Variants in EDARADD observed in about 807,000 individuals in gnomAD.
The protein encoded by EDARADD is ectodysplasin-A receptor-associated adapter protein.
Under a neutral mutation model 25.6 loss-of-function variants are expected in EDARADD, and 20 were observed. That is an observed-to-expected ratio of 0.78 (90% CI 0.55 to 1.14). The LOEUF (loss-of-function observed/expected upper bound fraction) is 1.14, where lower values mean the gene tolerates loss of function less well. EDARADD is among the 50% of genes most tolerant of loss of function. The pLI is 0.00. For missense variants in EDARADD, 225 were observed against 270.1 expected (o/e 0.83, Z 1.17); for synonymous variants, 86 against 94.4 (o/e 0.91, Z 0.52).
At chr1:236,394,594 A>T in intron 1 of EDARADD, 89 bp downstream of exon 1, 1 of 1,094,902 alleles carries the variant, frequency 9.1e-7, no homozygotes. Flanking sequence ...TGGATATATT[A>T]TACACTAAAT....
chr1:236,467,497 C>A (rs1659237908), intron 4 of EDARADD, among the ~76,000 whole-genome samples: 1 of 151,812 alleles, frequency 6.6e-6, no homozygotes, highest in African/African-American at 2.4e-5. Flanking sequence ...CCCTCACATC[C>A]CTGTAGCATG....
At chr1:236,393,582 C>T (rs1327808832), upstream of EDARADD, among the ~76,000 whole-genome samples, 4 of 151,412 alleles carry the variant, frequency 2.6e-5, no homozygotes, top group Admixed American at 6.6e-5. Context: ...TTTTTAGTAG[C>T]GGTGGGGTTT....
intron 1 of EDARADD, among the ~76,000 whole-genome samples, chr1:236,408,403 A>G (rs1033659251): frequency 3.3e-5 from 5 of 151,992 alleles, no homozygotes; most frequent in East Asian, 3.9e-4. Context: ...GGGTTTCCCT[A>G]TGTTGGACCA....
intron 1 of EDARADD, among the ~76,000 whole-genome samples, chr1:236,408,343 C>T (rs1243900942): frequency 1.3e-5 from 2 of 152,080 alleles, no homozygotes; most frequent in Non-Finnish European, 2.9e-5. Flanking sequence ...GCTGGGACTA[C>T]AGGTGTGCAC....
At chr1:236,408,728 C>T (rs1174938153) in intron 1 of EDARADD, among the ~76,000 whole-genome samples, 1 of 151,688 alleles carries the variant, frequency 6.6e-6, no homozygotes, top group Non-Finnish European at 1.5e-5. Flanking sequence ...GCCTGGGCTA[C>T]AGAGCAAACC....
intron 3 of EDARADD, among the ~76,000 whole-genome samples, chr1:236,363,005 A>AT (rs1202147207): frequency 1.3e-3 from 110 of 87,556 alleles, no homozygotes; most frequent in South Asian, 2.3e-3. Context: ...AAAAAAAAAA[A>AT]AATATATATA....
chr1:236,377,246 C>A (rs568108468), intron 3 of EDARADD, among the ~76,000 whole-genome samples: 102 of 151,374 alleles, frequency 6.7e-4, no homozygotes, highest in African/African-American at 2.3e-3. Context: ...ACCTCCACCT[C>A]CTGGGTTCAC....
chr1:236,451,183 A>G lies in EDARADD; in HGVS notation c.220-17048A>G, dbSNP rs543486588. On this transcript the variant is annotated intron_variant, in intron 4 of 5. Coordinates refer to ENST00000334232, the MANE Select transcript of EDARADD (RefSeq NM_145861.4). Reference sequence around the variant, plus strand: ...TGATAGAATCTACTATCTTGATTCTATCGCCATGGCCTCTGGAGCTAGATG... The same window carrying G: ...TGATAGAATCTACTATCTTGATTCTGTCGCCATGGCCTCTGGAGCTAGATG... 9.9e-5 allele frequency among the ~76,000 whole-genome samples: 15 copies of G among 152,270 alleles called. No individual in the cohort carries two copies. In the South Asian group the frequency reaches 3.1e-3, roughly 32 times the overall value.
At chr1:236,432,909 A>C (rs1435963770) in intron 4 of EDARADD, among the ~76,000 whole-genome samples, 1 of 151,390 alleles carries the variant, frequency 6.6e-6, no homozygotes, top group Non-Finnish European at 1.5e-5. Context: ...TCCAGCATGG[A>C]TGACAGAGCA....
At chr1:236,447,170 CTCTT>C (rs1240943288) in intron 4 of EDARADD, among the ~76,000 whole-genome samples, 1,360 of 93,164 alleles carry the variant, frequency 0.015, 36 homozygotes, top group East Asian at 0.061. Flanking sequence ...CCCTCCCTCC[CTCTT>C]TCTTTCTTTC....
At chr1:236,426,903 C>T (rs899228320) in intron 3 of EDARADD, among the ~76,000 whole-genome samples, 20 of 151,906 alleles carry the variant, frequency 1.3e-4, no homozygotes, top group African/African-American at 3.1e-4. Context: ...TTTTTTGAGA[C>T]GGAGTTTTGC....
upstream of EDARADD, among the ~76,000 whole-genome samples, chr1:236,391,408 C>A (rs1280303659): frequency 6.6e-6 from 1 of 152,192 alleles, no homozygotes; most frequent in South Asian, 2.1e-4. Flanking sequence ...GACATGGAAA[C>A]TTAGTAACTC....
At chr1:236,441,692 G>A (rs896829317) in intron 4 of EDARADD, among the ~76,000 whole-genome samples, 1 of 151,632 alleles carries the variant, frequency 6.6e-6, no homozygotes, top group East Asian at 1.9e-4. Context: ...ACCACACGTG[G>A]CTAATTTTTG....
intron 4 of EDARADD, among the ~76,000 whole-genome samples, chr1:236,464,580 T>C (rs1476402093): frequency 1.3e-5 from 2 of 151,764 alleles, no homozygotes; most frequent in Non-Finnish European, 2.9e-5. Context: ...ACACAGGCGC[T>C]CACCACCACA....
chr1:236,349,768 ATTAT>A (rs1424790453), intron 2 of EDARADD, among the ~76,000 whole-genome samples: 2 of 150,742 alleles, frequency 1.3e-5, no homozygotes. Flanking sequence ...CTCTTAGTTG[ATTAT>A]CTCCTGGATC....
At chr1:236,421,567 G>A (rs576712397) in intron 3 of EDARADD, among the ~76,000 whole-genome samples, 5 of 140,606 alleles carry the variant, frequency 3.6e-5, no homozygotes, top group Non-Finnish European at 7.5e-5. Context: ...GCTCAATCTC[G>A]GCTCACTGCA....
intron 1 of EDARADD, among the ~76,000 whole-genome samples, chr1:236,399,647 T>C (rs1022666743): frequency 6.6e-6 from 1 of 152,236 alleles, no homozygotes; most frequent in Non-Finnish European, 1.5e-5. Flanking sequence ...ATGAGCCAGA[T>C]TTGTCTGTCA....
At chr1:236,390,166 G>C (rs1427865631), upstream of EDARADD, among the ~76,000 whole-genome samples, 3 of 152,214 alleles carry the variant, frequency 2.0e-5, no homozygotes, top group Non-Finnish European at 4.4e-5. Flanking sequence ...CTTGAGGGAA[G>C]AGTGGGAGGG....
chr1:236,465,877 A>G (rs10925135), intron 4 of EDARADD, among the ~76,000 whole-genome samples: 56,759 of 152,106 alleles, frequency 0.37, 10,819 homozygotes, highest in Middle Eastern at 0.42. Flanking sequence ...AAGAACAAAC[A>G]TCATGCATAT....
Sources: gnomAD v4.1 joint callset for allele counts (sites outside exome capture counted in the v4.1 genomes callset) on GRCh38, gnomAD v4.1.1 for gene constraint, MANE v1.5 for transcripts, NCBI Gene and HGNC (gene_info 2026-07-23, HGNC 2026-07-21) for gene names.